The following MGA variants were observed in gnomAD, a reference collection of about 807,000 sequenced individuals.
The protein encoded by MGA is MAX gene-associated protein.
MGA carries 40 observed loss-of-function variants against 261.1 expected under a neutral mutation model. The ratio of observed to expected loss-of-function variants is 0.15; its 90% CI spans 0.12 to 0.20. The LOEUF is 0.20. MGA is among the 10% of genes least tolerant of loss of function. The pLI is 1.00. For synonymous variants in MGA, 1,302 were observed against 1,290.6 expected, an observed-to-expected ratio of 1.01 and a Z score of -0.19; for missense variants, 3,397 against 3,630.5, an observed-to-expected ratio of 0.94 and a Z score of 1.65.
chr15:41,621,549 A>G (rs1382002924), intron 1 of MGA: 2 of 152,180 alleles, frequency 1.3e-5, no homozygotes, highest in African/African-American at 4.8e-5. Context: ...GGGACCCGCG[A>G]GCGGAGCGGC....
chr15:41,757,737 C>T, intron 18 of MGA, 51 bp from the exon 19 acceptor site: 1 of 1,479,896 alleles, frequency 6.8e-7, no homozygotes, highest in Non-Finnish European at 9.4e-7. Flanking sequence ...TGAAATAGGT[C>T]TTAGATTATT....
intron 5 of MGA, among the ~76,000 whole-genome samples, chr15:41,705,873 G>T (rs2060082304): frequency 6.6e-6 from 1 of 152,196 alleles, no homozygotes; most frequent in Admixed American, 6.5e-5. Context: ...TCCCGTAGTT[G>T]ATTGGGAACA....
chr15:41,642,847 T>A (rs962155760), intron 1 of MGA, among the ~76,000 whole-genome samples: 2 of 151,192 alleles, frequency 1.3e-5, no homozygotes, highest in Non-Finnish European at 2.9e-5. Flanking sequence ...TAACCTCAGG[T>A]GATCTGCTTG....
chr15:41,757,468 A>G (rs1175579522), intron 18 of MGA, among the ~76,000 whole-genome samples: 1 of 152,164 alleles, frequency 6.6e-6, no homozygotes, highest in African/African-American at 2.4e-5. Context: ...ATGCCATTTT[A>G]TATCAGGGAC....
At chr15:41,762,101 A>C (rs772271018) in intron 21 of MGA, 28 bp from the exon 22 acceptor site, 2 of 1,539,172 alleles carry the variant, frequency 1.3e-6, no homozygotes, top group Non-Finnish European at 8.9e-7. Context: ...TAATGCTGAA[A>C]GTGCTAATGT....
chr15:41,660,087 C>G (rs549025258), upstream of MGA, among the ~76,000 whole-genome samples: 1 of 152,256 alleles, frequency 6.6e-6, no homozygotes, highest in Non-Finnish European at 1.5e-5. Context: ...GTGAAAGGCA[C>G]AGTTGAGAAA....
At chr15:41,709,323 G>T (rs2060268690) in intron 7 of MGA, among the ~76,000 whole-genome samples, 1 of 152,080 alleles carries the variant, frequency 6.6e-6, no homozygotes. Flanking sequence ...ACTCCAGCCG[G>T]AGTGACAGAG....
intron 5 of MGA, among the ~76,000 whole-genome samples, chr15:41,702,327 A>G (rs1461506226): frequency 6.6e-6 from 1 of 152,082 alleles, no homozygotes; most frequent in Non-Finnish European, 1.5e-5. Flanking sequence ...TGTCTCAAAA[A>G]AAAAAAAAAA....
intron 13 of MGA, chr15:41,739,944 G>A (rs375136223): frequency 7.4e-6 from 12 of 1,612,410 alleles, no homozygotes; most frequent in African/African-American, 1.3e-5. Context: ...AGTTGCTATT[G>A]GGACAGATGG....
rs751699461 is a variant in MGA, at chr15:41,766,800, C to G, written c.8718C>G (p.Asp2906Glu). Residue 2906 changes from aspartate to glutamate, a missense_variant, in exon 24 of 24, where the codon GAC becomes GAG. This residue lies in a region of MGA where 647 missense variants were observed against 642.4 expected (regional missense o/e 1.01). Transcript: ENST00000219905. Reference sequence around the variant, plus strand: ...GTCCCCTCCTCTTGCACTTGGAAGACGATGACTTTTCTGAGAATGAAAAAC... The same window carrying G: ...GTCCCCTCCTCTTGCACTTGGAAGAGGATGACTTTTCTGAGAATGAAAAAC... 6.2e-7 allele frequency: 1 copy of G among 1,613,958 alleles called. No homozygotes were observed. Among genetic ancestry groups the G allele is most frequent in the Admixed American group, 1.7e-5 (1 of 60,018 alleles).
chr15:41,637,437 G>A (rs1180582984), intron 1 of MGA, among the ~76,000 whole-genome samples: 1 of 152,134 alleles, frequency 6.6e-6, no homozygotes, highest in Non-Finnish European at 1.5e-5. Context: ...CATAGAGGTG[G>A]TAAATCCTTT....
At chr15:41,622,392 C>CCG (rs1177236067) in intron 1 of MGA, among the ~76,000 whole-genome samples, 2,781 of 152,042 alleles carry the variant, frequency 0.018, 83 homozygotes, top group African/African-American at 0.065. Context: ...GAGACAACCG[C>CCG]CACCCCGCCA....
intron 2 of MGA, among the ~76,000 whole-genome samples, chr15:41,674,357 G>C (rs1433666242): frequency 1.3e-5 from 2 of 150,432 alleles, no homozygotes; most frequent in African/African-American, 4.9e-5. Flanking sequence ...CACCATGCCC[G>C]ACTAATTTTT....
chr15:41,660,531 T>C lies in MGA; in HGVS notation c.-68+6T>C, dbSNP rs2057319733. On this transcript the variant is annotated splice_donor_region_variant and intron_variant, in intron 1 of 23. Coordinates refer to ENST00000219905, the MANE Select transcript of MGA (RefSeq NM_001164273.2). The stretch of plus-strand genomic sequence containing the variant: ...GGCCGGCCACGCCCCGCACGGTAAC[T>C]CTCGGGCCTGGGTGGAGGGCATCGC... 6.5e-6 allele frequency: 1 copy of C among 153,046 alleles called. No homozygotes were observed. The highest frequency in any genetic ancestry group is 6.5e-5 in the Admixed American group (1 of 15,282). 9.5% of individuals were successfully genotyped at this position (153,046 alleles called of 1,614,324 possible).
rs952309888 is a variant in MGA, at chr15:41,749,863, GTT to G, written c.6257_6258del (p.Val2086GlufsTer5). The stretch of plus-strand genomic sequence containing the variant: ...CAAAGAAAAAGTGGCTGTTCTGGAA[GTT>G]AGGACCATTTCTGAAAAAGCCAGTA... On this transcript the variant is annotated frameshift_variant, in exon 17 of 24. Coordinates refer to ENST00000219905, the MANE Select transcript of MGA (RefSeq NM_001164273.2). LOFTEE classifies it high-confidence loss of function. 6.2e-7 allele frequency: 1 copy of G among 1,613,830 alleles called. No homozygotes were observed. The highest frequency in any genetic ancestry group is 8.5e-7 in the Non-Finnish European group (1 of 1,179,890).
intron 1 of MGA, among the ~76,000 whole-genome samples, chr15:41,667,050 A>G (rs1458848452): frequency 6.6e-6 from 1 of 152,146 alleles, no homozygotes; most frequent in Non-Finnish European, 1.5e-5. Context: ...AACCCTTTCC[A>G]GCACTACCAG....
At chr15:41,699,188 G>A in intron 5 of MGA, 29 bp downstream of exon 5, 2 of 1,398,212 alleles carry the variant, frequency 1.4e-6, no homozygotes, top group East Asian at 2.7e-5. Flanking sequence ...CTTTTTTTTT[G>A]TTTTCTTTTT....
intron 2 of MGA, among the ~76,000 whole-genome samples, chr15:41,671,900 G>A (rs2058082548): frequency 6.6e-6 from 1 of 152,190 alleles, no homozygotes; most frequent in Non-Finnish European, 1.5e-5. Flanking sequence ...GTTCTTTCAG[G>A]TTATACTTTT....
In MGA at chr15:41,764,777, C is replaced by A. The variant is rs1325502009; in HGVS notation, c.7745-109C>A. 78 of 1,101,904 alleles carry A rather than the reference C, an allele frequency of 7.1e-5. 1 individual carries two copies. In the South Asian group the frequency reaches 1.1e-3, roughly 15 times the overall value. The allele number at this position is 1,101,904 out of a possible 1,614,324, so 68.3% of individuals were successfully genotyped here. On this transcript the variant is annotated intron_variant, in intron 22 of 23. Transcript: ENST00000219905. ...CAGGCTGGTCTTGAACTCCTGGGCT[C>A]AAGTGATCTGCCTGCCTCAGCCTCC...
Sources: gnomAD v4.1 joint callset for allele counts (sites outside exome capture counted in the v4.1 genomes callset) on GRCh38, gnomAD v4.1.1 for gene constraint, gnomAD v4.1.1 regional missense constraint, MANE v1.5 for transcripts, NCBI Gene and HGNC (gene_info 2026-07-23, HGNC 2026-07-21) for gene names.